HRK: variants seen among roughly 807,000 people sequenced by gnomAD.
HRK encodes harakiri, BCL2 interacting protein, also known as activator of apoptosis harakiri.
Under a neutral mutation model 5.9 loss-of-function variants are expected in HRK, and 6 were observed. The ratio of observed to expected loss-of-function variants is 1.02; its 90% CI spans 0.56 to 2.01. HRK has a LOEUF of 2.01. Among genes scored for constraint, HRK ranks in the 30% most tolerant of loss-of-function variants. The probability of loss-of-function intolerance (pLI) is 0.00; values close to 1 mark genes in which losing one functional copy is unlikely to be tolerated. For missense variants in HRK, 133 were observed against 128.3 expected, an observed-to-expected ratio of 1.04 and a Z score of -0.18; for synonymous variants, 85 against 65.1, an observed-to-expected ratio of 1.31 and a Z score of -1.47.
chr12:116,863,411 T>C (rs1332148165), intron 1 of HRK, among the ~76,000 whole-genome samples: 2 of 152,206 alleles, frequency 1.3e-5, no homozygotes, highest in East Asian at 3.9e-4. Flanking sequence ...GTCCCATTCC[T>C]TACCCTGGCA....
intron 1 of HRK, among the ~76,000 whole-genome samples, chr12:116,863,070 C>T (rs141926434): frequency 2.0e-5 from 3 of 152,162 alleles, no homozygotes; most frequent in African/African-American, 7.2e-5. Flanking sequence ...TATAAGTTAG[C>T]GGGGGAGATA....
Position 116,878,628 on chromosome 12 carries a change from T to C in HRK, c.*56+2348A>G, listed in dbSNP as rs3748262. On this transcript the variant is annotated intron_variant, in intron 1 of 1. Transcript: ENST00000257572. The surrounding 1 kb of genome is among the most constrained non-coding windows in gnomAD (Gnocchi z 4.4). ...CCTGGGAGCGCAGGAAGGCGGGTGG[T>C]GAGCAATTCTACGGGTGTCCCGAGG... 131 of 152,654 alleles carry C rather than the reference T, an allele frequency of 8.6e-4. 3 individuals carry two copies. In the East Asian group the frequency reaches 0.015, roughly 18 times the overall value. The allele number at this position is 152,654 out of a possible 1,614,324, so 9.5% of individuals were successfully genotyped here.
rs1013276940 is a variant in HRK, at chr12:116,858,659, A to T, written c.*2864T>A. ...TGAAACCCGATATGAGGTCTTTTTT[A>T]AAATTTATTTCAAAGCCTCCCTCCC... On this transcript the variant is annotated 3_prime_UTR_variant, in exon 2 of 2. Transcript: ENST00000257572. The T allele has an allele frequency of 6.6e-6, 1 of 150,908 alleles. No homozygotes were observed. The highest frequency in any genetic ancestry group is 2.4e-5 in the African/African-American group (1 of 40,878). The allele number at this position is 150,908 out of a possible 1,614,324, so 9.3% of individuals were successfully genotyped here. A position where few individuals can be genotyped will look rare whatever the true frequency, so the allele number is the denominator to read the frequency against.
intron 1 of HRK, among the ~76,000 whole-genome samples, chr12:116,880,664 GTT>G (rs994429328): frequency 2.6e-5 from 4 of 152,254 alleles, no homozygotes; most frequent in Non-Finnish European, 5.9e-5. Context: ...TGCATTGTGT[GTT>G]TATTTGTGGG....
chr12:116,863,486 C>T (rs1195870773), intron 1 of HRK, among the ~76,000 whole-genome samples: 2 of 152,188 alleles, frequency 1.3e-5, no homozygotes, highest in Admixed American at 6.5e-5. Flanking sequence ...TTCACTCTCG[C>T]TGGTTTCCCA....
At chr12:116,865,499 C>A (rs559187845) in intron 1 of HRK, among the ~76,000 whole-genome samples, 2 of 152,156 alleles carry the variant, frequency 1.3e-5, no homozygotes, top group Non-Finnish European at 2.9e-5. Context: ...TGCACTCCAT[C>A]CTGGGCAACA....
rs1235026311 is a variant in HRK at position 116,856,359 on chromosome 12, A to G, written c.*5164T>C. Reference sequence around the variant, plus strand: ...CCTCCCAGCCGCCCCTGCCACGCACACGGGCTCCTTGGCGCTTATAGTGCA... The same window carrying G: ...CCTCCCAGCCGCCCCTGCCACGCACGCGGGCTCCTTGGCGCTTATAGTGCA... On this transcript the variant is annotated 3_prime_UTR_variant, in exon 2 of 2. Coordinates refer to ENST00000257572, the MANE Select transcript of HRK (RefSeq NM_003806.4). This position sits in a 1 kb window ranked among gnomAD's most constrained non-coding sequence, Gnocchi z 4.4. 1 of 152,192 alleles carries G rather than the reference A, an allele frequency of 6.6e-6. No individual in the cohort carries two copies. The highest frequency in any genetic ancestry group is 1.5e-5 in the Non-Finnish European group (1 of 68,070). The allele number at this position is 152,192 out of a possible 1,614,324, so 9.4% of individuals were successfully genotyped here. A position where few individuals can be genotyped will look rare whatever the true frequency, so the allele number is the denominator to read the frequency against.
rs141619738 is a variant in HRK, at chr12:116,862,708, T to TTTTG, written c.*57-1246_*57-1243dup. Among the ~76,000 whole-genome samples the TTTTG allele has an allele frequency of 0.076, 11,428 of 150,830 alleles. 542 individuals carry two copies. Among genetic ancestry groups the TTTTG allele is most frequent in the East Asian group, 0.16 (837 of 5,098 alleles). On this transcript the variant is annotated intron_variant, in intron 1 of 1. Transcript: ENST00000257572. This position sits in a 1 kb window ranked among gnomAD's most constrained non-coding sequence, Gnocchi z 4.0. ...TTGTACACCTTAAAAAGGTAGGGTTTTTTGTTTGTTTGTTTGTTTGTTTGT... is the reference window on the plus strand; with the variant it reads ...TTGTACACCTTAAAAAGGTAGGGTTTTTTGTTTGTTTGTTTGTTTGTTTGTTTGT...
chr12:116,872,917 A>C (rs764676571), intron 1 of HRK, among the ~76,000 whole-genome samples: 71,935 of 139,040 alleles, frequency 0.52, 21,857 homozygotes, highest in Non-Finnish European at 0.66. Flanking sequence ...AAGAGAAAGG[A>C]AGAAAGAAAG....
In HRK at chr12:116,879,943, C is replaced by T. The variant is rs1386572800; in HGVS notation, c.*56+1033G>A. ...GGTGGGCTCAGCCTGATTCTCTCTC[C>T]CTCATTCTCTGCAGCGCTCCTCGCT... On this transcript the variant is annotated intron_variant, in intron 1 of 1. Coordinates refer to ENST00000257572, the MANE Select transcript of HRK (RefSeq NM_003806.4). The surrounding 1 kb of genome is among the most constrained non-coding windows in gnomAD (Gnocchi z 5.6). Among the ~76,000 whole-genome samples, 1 of 152,204 alleles carries T rather than the reference C, an allele frequency of 6.6e-6. No homozygotes were observed. The highest frequency in any genetic ancestry group is 1.5e-5 in the Non-Finnish European group (1 of 68,040).
At position 116,878,911 on chromosome 12, in the gene HRK, C is replaced by A. The variant is rs1424141395; in HGVS notation, c.*56+2065G>T. ...ATAACCTGCTGCTGCCCCCCAACAC[C>A]GACTCAAAACAGCGAAACTCCTGGC... On this transcript the variant is annotated intron_variant, in intron 1 of 1. Transcript: ENST00000257572. This position sits in a 1 kb window ranked among gnomAD's most constrained non-coding sequence, Gnocchi z 4.4. 2.6e-5 allele frequency among the ~76,000 whole-genome samples: 4 copies of A among 152,168 alleles called. No homozygotes were observed. In the East Asian group the frequency reaches 5.8e-4, roughly 22 times the overall value.
chr12:116,865,246 T>TA (rs937725753), intron 1 of HRK, among the ~76,000 whole-genome samples: 73 of 151,394 alleles, frequency 4.8e-4, no homozygotes, highest in African/African-American at 3.2e-4. Context: ...AATTTTTAAT[T>TA]AAAAAAAAAC....
At chr12:116,866,157 CAAA>C (rs10682657) in intron 1 of HRK, among the ~76,000 whole-genome samples, 2 of 92,150 alleles carry the variant, frequency 2.2e-5, no homozygotes, top group African/African-American at 4.4e-5. Flanking sequence ...GATTCCATCT[CAAA>C]AAAAAAAAAA....
Position 116,870,360 on chromosome 12 carries a change from C to G in HRK, c.*57-8894G>C, listed in dbSNP as rs113315541. Among the ~76,000 whole-genome samples, 407 of 152,300 alleles carry G rather than the reference C, an allele frequency of 2.7e-3. 4 individuals are homozygous for G. The highest frequency in any genetic ancestry group is 9.5e-3 in the African/African-American group (394 of 41,562). ...TTAGTGACATTACTGAGACTTGGAA[C>G]CTTTCCCTGAAGTGGGGAGAGGCAC... On this transcript the variant is annotated intron_variant, in intron 1 of 1. Coordinates refer to ENST00000257572, the MANE Select transcript of HRK (RefSeq NM_003806.4).
chr12:116,875,987 A>T (rs1335869715), intron 1 of HRK, among the ~76,000 whole-genome samples: 1 of 152,142 alleles, frequency 6.6e-6, no homozygotes, highest in African/African-American at 2.4e-5. Flanking sequence ...ACTAGTGAGG[A>T]CTACCAAGAA....
intron 1 of HRK, among the ~76,000 whole-genome samples, chr12:116,874,218 G>T (rs1054580431): frequency 1.3e-5 from 2 of 152,082 alleles, no homozygotes; most frequent in Non-Finnish European, 2.9e-5. Context: ...CCTGCATCTG[G>T]GCACCCAGCC....
chr12:116,872,769 C>T (rs1018245057), intron 1 of HRK, among the ~76,000 whole-genome samples: 2 of 148,870 alleles, frequency 1.3e-5, no homozygotes, highest in African/African-American at 2.5e-5. Context: ...AGTAAGACCC[C>T]GTCTCAAAAA....
At chr12:116,861,805 G>C (rs566298753) in intron 1 of HRK, among the ~76,000 whole-genome samples, 1 of 152,280 alleles carries the variant, frequency 6.6e-6, no homozygotes, top group Non-Finnish European at 1.5e-5. Context: ...TGAACTTTTT[G>C]CTTCTCCAAA....
At position 116,867,440 on chromosome 12, in the gene HRK, G is replaced by A. The variant is rs373954782; in HGVS notation, c.*57-5974C>T. Among the ~76,000 whole-genome samples the A allele has an allele frequency of 3.2e-4, 49 of 152,150 alleles. 1 individual carries two copies. The South Asian group carries it at 8.5e-3, about 26-fold the overall frequency. Reference sequence around the variant, plus strand: ...ATTACAGGCCTGAGCCACTGCGCCCGGCCACAAAAAATTTTTAATTAGCCA... The same window carrying A: ...ATTACAGGCCTGAGCCACTGCGCCCAGCCACAAAAAATTTTTAATTAGCCA... On this transcript the variant is annotated intron_variant, in intron 1 of 1. Transcript: ENST00000257572.
Sources: gnomAD v4.1 joint callset for allele counts (sites outside exome capture counted in the v4.1 genomes callset) on GRCh38, gnomAD v4.1.1 for gene constraint, Gnocchi (gnomAD v3.1) non-coding constraint, MANE v1.5 for transcripts, NCBI Gene and HGNC (gene_info 2026-07-23, HGNC 2026-07-21) for gene names.